MTRES1: variants seen among roughly 807,000 people sequenced by gnomAD.
MTRES1 encodes uncharacterized protein C6orf203.
In MTRES1, 11 loss-of-function variants were observed where a neutral mutation model predicts 17.4. That is an observed-to-expected ratio of 0.63 (90% CI 0.40 to 1.05). The LOEUF is 1.05. Among genes scored for constraint, MTRES1 ranks in the 50% least tolerant of loss-of-function variants. The probability of loss-of-function intolerance (pLI) is 0.00; values close to 1 mark genes in which losing one functional copy is unlikely to be tolerated. For missense variants in MTRES1, 268 were observed against 276.2 expected (o/e 0.97, Z 0.21); for synonymous variants, 94 against 99.6 (o/e 0.94, Z 0.34).
chr6:107,048,724 G>T (rs9386599), intron 3 of MTRES1, among the ~76,000 whole-genome samples: 12,337 of 146,334 alleles, frequency 0.084, 773 homozygotes, highest in East Asian at 0.36. Context: ...AGGTTGCAGT[G>T]AGCCGAGATC....
At chr6:107,049,408 C>CTTTTTTTTTTTTTT (rs782057719) in intron 3 of MTRES1, among the ~76,000 whole-genome samples, 2 of 99,364 alleles carry the variant, frequency 2.0e-5, no homozygotes, top group African/African-American at 8.0e-5. Context: ...TATGGCCCTT[C>CTTTTTTTTTTTTTT]TTTTTTTTTT....
At chr6:107,033,290 T>C (rs1773902907) in intron 1 of MTRES1, among the ~76,000 whole-genome samples, 1 of 151,928 alleles carries the variant, frequency 6.6e-6, no homozygotes, top group African/African-American at 2.4e-5. Flanking sequence ...GAAAAGGGCA[T>C]GTGGGGCATG....
At position 107,044,328 on chromosome 6, in the gene MTRES1, GAACGGTGAGATACTAACCT is replaced by G. The variant is rs1159577235; in HGVS notation, c.542_543+17del. ...GAGGAAAAATTATGGAAGAAAAGCA[GAACGGTGAGATACTAACCT>G]AAAATGACAGCCAGATGTTTTCGTC... On this transcript the variant is annotated splice_donor_variant and splice_donor_5th_base_variant and coding_sequence_variant and intron_variant, in exon 3 of 4. Transcript: ENST00000311381. LOFTEE classifies it high-confidence loss of function. The G allele has an allele frequency of 2.4e-5, 38 of 1,611,766 alleles. 1 individual carries two copies.
intron 1 of MTRES1, among the ~76,000 whole-genome samples, chr6:107,031,385 C>CAAA (rs782379041): frequency 8.2e-5 from 8 of 97,582 alleles, no homozygotes; most frequent in East Asian, 6.4e-4. Flanking sequence ...GACCCTGTCT[C>CAAA]AAAAAAAAAA....
At chr6:107,047,390 T>C (rs1774430732) in intron 3 of MTRES1, among the ~76,000 whole-genome samples, 1 of 151,666 alleles carries the variant, frequency 6.6e-6, no homozygotes, top group Non-Finnish European at 1.5e-5. Context: ...CTGGTTAATT[T>C]TTTATTTTTT....
intron 2 of MTRES1, among the ~76,000 whole-genome samples, chr6:107,041,528 G>GT (rs1424193122): frequency 6.6e-6 from 1 of 151,728 alleles, no homozygotes; most frequent in Non-Finnish European, 1.5e-5. Flanking sequence ...TTTGTTTTTT[G>GT]TTTTTTGCTT....
chr6:107,037,117 A>T (rs895762831), intron 1 of MTRES1, among the ~76,000 whole-genome samples: 1 of 151,946 alleles, frequency 6.6e-6, no homozygotes, highest in Non-Finnish European at 1.5e-5. Flanking sequence ...AATTGTACTA[A>T]TCAATGAAAT....
chr6:107,032,678 C>T (rs376111733), intron 1 of MTRES1, among the ~76,000 whole-genome samples: 2 of 151,820 alleles, frequency 1.3e-5, no homozygotes, highest in East Asian at 1.9e-4. Context: ...CACACCAGCC[C>T]GGGTGACAGT....
chr6:107,037,791 T>A (rs189281949), intron 1 of MTRES1, among the ~76,000 whole-genome samples: 1 of 152,304 alleles, frequency 6.6e-6, no homozygotes, highest in East Asian at 1.9e-4. Context: ...CAATCTCAGC[T>A]CACTGCAACC....
At chr6:107,047,880 C>A (rs1774444179) in intron 3 of MTRES1, among the ~76,000 whole-genome samples, 1 of 151,722 alleles carries the variant, frequency 6.6e-6, no homozygotes, top group African/African-American at 2.4e-5. Context: ...AGCGAGACTC[C>A]ATCTCAAAAA....
chr6:107,031,661 C>T (rs1276628382), intron 1 of MTRES1, among the ~76,000 whole-genome samples: 2 of 151,284 alleles, frequency 1.3e-5, no homozygotes, highest in African/African-American at 2.4e-5. Flanking sequence ...AGTGCAATGG[C>T]GCAATCTCAG....
chr6:107,049,496 C>G (rs1386216958), intron 3 of MTRES1, among the ~76,000 whole-genome samples: 1 of 146,336 alleles, frequency 6.8e-6, no homozygotes, highest in Non-Finnish European at 1.5e-5. Context: ...TCACTGCAAG[C>G]TCCGCCTCCC....
chr6:107,050,866 C>G (rs977591303), intron 3 of MTRES1, among the ~76,000 whole-genome samples, 191 bp from the exon 4 acceptor site: 1 of 152,110 alleles, frequency 6.6e-6, no homozygotes, highest in Non-Finnish European at 1.5e-5. Flanking sequence ...CGTGAGCCAC[C>G]GCACCTGACC....
chr6:107,046,938 G>T lies in MTRES1; in HGVS notation c.543+2606G>T, dbSNP rs1183140701. Among the ~76,000 whole-genome samples the T allele has an allele frequency of 2.9e-4, 7 of 23,938 alleles. No homozygotes were observed. The Admixed American group carries it at 3.6e-3, about 12-fold the overall frequency. 15.7% of individuals were successfully genotyped at this position (23,938 alleles called of 152,430 possible). ...TCCAAAGGGATTCATTCTTGTGTGT[G>T]TGTGTGTGTGTGTGTGTGTGTGTGT... On this transcript the variant is annotated intron_variant, in intron 3 of 3. Coordinates refer to ENST00000311381, the MANE Select transcript of MTRES1 (RefSeq NM_016487.5).
At chr6:107,047,420 G>A (rs1554228560) in intron 3 of MTRES1, among the ~76,000 whole-genome samples, 3 of 151,586 alleles carry the variant, frequency 2.0e-5, no homozygotes, top group African/African-American at 7.3e-5. Context: ...GGGTCTCACT[G>A]TGTGGTCCAG....
chr6:107,029,597 C>A (rs1773765345), intron 1 of MTRES1, among the ~76,000 whole-genome samples: 1 of 152,026 alleles, frequency 6.6e-6, no homozygotes, highest in Non-Finnish European at 1.5e-5. Flanking sequence ...GATTCTTCAG[C>A]CTCAGCCTCC....
At chr6:107,050,458 C>T (rs944813018) in intron 3 of MTRES1, among the ~76,000 whole-genome samples, 5 of 150,790 alleles carry the variant, frequency 3.3e-5, no homozygotes, top group African/African-American at 7.3e-5. Flanking sequence ...AGCTACTCTG[C>T]GCAGGGACTA....
intron 2 of MTRES1, among the ~76,000 whole-genome samples, chr6:107,041,755 C>G (rs1774225511): frequency 6.6e-6 from 1 of 151,928 alleles, no homozygotes; most frequent in Admixed American, 6.6e-5. Context: ...GTCTCGATCT[C>G]CTGACCTCGT....
intron 1 of MTRES1, among the ~76,000 whole-genome samples, chr6:107,037,884 A>AG (rs1554227096): frequency 2.0e-5 from 3 of 151,826 alleles, no homozygotes; most frequent in African/African-American, 7.3e-5. Context: ...ACACCCGGCT[A>AG]ATTTTTGTAT....
Sources: allele counts gnomAD v4.1 joint callset (sites outside exome capture counted in the v4.1 genomes callset), GRCh38; gene constraint gnomAD v4.1.1; transcripts MANE v1.5; gene names NCBI Gene and HGNC (gene_info 2026-07-23, HGNC 2026-07-21).